RASSF8: variants seen among roughly 807,000 people sequenced by gnomAD.
RASSF8 encodes the protein ras association domain-containing protein 8.
In RASSF8, 22 loss-of-function variants were observed where a neutral mutation model predicts 48.5. The observed-to-expected ratio is 0.45, with a 90% CI of 0.32 to 0.65. The LOEUF is 0.65. RASSF8 is among the 30% of genes least tolerant of loss of function. The pLI is 0.03. For synonymous variants in RASSF8, 127 were observed against 171.5 expected (o/e 0.74, Z 2.03); for missense variants, 418 against 489.2 (o/e 0.85, Z 1.37).
rs542519351 is a variant in RASSF8 at position 26,018,351 on chromosome 12, C to A, written c.-109+23221C>A. On this transcript the variant is annotated intron_variant, in intron 2 of 5. Coordinates refer to ENST00000689635, the MANE Select transcript of RASSF8 (RefSeq NM_001394098.1). Reference sequence around the variant, plus strand: ...GCTCTAGAACCTTTTTTTAATAAATCAATTTTTTAAATTTAAAAATTCTTT... The same window carrying A: ...GCTCTAGAACCTTTTTTTAATAAATAAATTTTTTAAATTTAAAAATTCTTT... 9.9e-5 allele frequency among the ~76,000 whole-genome samples: 15 copies of A among 151,984 alleles called. No individual in the cohort carries two copies. The East Asian group carries it at 2.9e-3, about 29-fold the overall frequency.
At chr12:26,079,161 G>A (rs1179863787) in exon 6 of RASSF8, 8 of 907,364 alleles carry the variant, frequency 8.8e-6, no homozygotes, top group African/African-American at 3.4e-5. Flanking sequence ...CAAAGGAAAC[G>A]ATCACCAAAA....
At chr12:26,046,304 C>T (rs1303281025) in intron 2 of RASSF8, among the ~76,000 whole-genome samples, 1 of 152,176 alleles carries the variant, frequency 6.6e-6, no homozygotes, top group Non-Finnish European at 1.5e-5. Context: ...GCAAACTTTG[C>T]TAATAACTTT....
intron 1 of RASSF8, among the ~76,000 whole-genome samples, chr12:25,965,540 T>G (rs1333778221): frequency 6.6e-6 from 1 of 152,030 alleles, no homozygotes; most frequent in African/African-American, 2.4e-5. Context: ...TTATGTATTT[T>G]TAGTAGAGAC....
At chr12:26,049,722 A>G (rs1356077347) in intron 2 of RASSF8, among the ~76,000 whole-genome samples, 4 of 152,266 alleles carry the variant, frequency 2.6e-5, no homozygotes, top group African/African-American at 9.6e-5. Flanking sequence ...TTGATGCTCA[A>G]TGAAAAACTA....
chr12:26,015,756 A>G (rs1942633741), intron 2 of RASSF8, among the ~76,000 whole-genome samples: 1 of 152,230 alleles, frequency 6.6e-6, no homozygotes, highest in Non-Finnish European at 1.5e-5. Context: ...TGTGCTTTGG[A>G]AAAATAAACG....
intron 1 of RASSF8, among the ~76,000 whole-genome samples, chr12:25,983,703 AAAAC>A (rs1284276698): frequency 1.3e-5 from 2 of 152,208 alleles, no homozygotes; most frequent in Admixed American, 6.5e-5. Flanking sequence ...AAAAAGAAAA[AAAAC>A]AAAAAAGCTG....
intron 3 of RASSF8, among the ~76,000 whole-genome samples, chr12:26,061,607 T>A (rs1943744179): frequency 6.6e-6 from 1 of 152,070 alleles, no homozygotes; most frequent in Admixed American, 6.5e-5. Flanking sequence ...TAAGATTACA[T>A]CAAAATAGTA....
chr12:26,068,891 A>G lies in RASSF8; in HGVS notation c.*73A>G, dbSNP rs758465466. On this transcript the variant is annotated 3_prime_UTR_variant, in exon 6 of 6. Transcript: ENST00000689635. ...TAAACTTCCTTTTTGATTTGTGCCAATGATGAACAGAGGATCTATTCCACA... is the reference window on the plus strand; with the variant it reads ...TAAACTTCCTTTTTGATTTGTGCCAGTGATGAACAGAGGATCTATTCCACA... 4.4e-5 allele frequency: 67 copies of G among 1,513,818 alleles called. No individual in the cohort carries two copies. Among genetic ancestry groups the G allele is most frequent in the South Asian group, 1.1e-4 (9 of 80,660 alleles). The allele number at this position is 1,513,818 out of a possible 1,614,324, so 93.8% of individuals were successfully genotyped here.
intron 2 of RASSF8, among the ~76,000 whole-genome samples, chr12:26,053,553 A>G (rs894592252): frequency 6.6e-6 from 1 of 152,208 alleles, no homozygotes; most frequent in African/African-American, 2.4e-5. Context: ...ACACCAGCCT[A>G]TTAAAGTCTC....
At chr12:26,078,947 A>C (rs951179002) in intron 5 of RASSF8, 6 of 1,271,898 alleles carry the variant, frequency 4.7e-6, no homozygotes, top group Non-Finnish European at 6.2e-6. Flanking sequence ...TAAAGCTAGT[A>C]ATTGAGATCA....
chr12:26,002,306 G>A (rs1348982642), intron 2 of RASSF8, among the ~76,000 whole-genome samples: 3 of 151,900 alleles, frequency 2.0e-5, no homozygotes, highest in Non-Finnish European at 2.9e-5. Flanking sequence ...GGTAGCAGGT[G>A]CCTATAATCC....
In RASSF8 at chr12:26,010,052, A is replaced by G. The variant is rs538876189; in HGVS notation, c.-109+14922A>G. ...GTGAGGGGGTGGCATCCTGATGCCCACAGGGTCCTGCCCCTGCAGTAGTAC... is the reference window on the plus strand; with the variant it reads ...GTGAGGGGGTGGCATCCTGATGCCCGCAGGGTCCTGCCCCTGCAGTAGTAC... On this transcript the variant is annotated intron_variant, in intron 2 of 5. Coordinates refer to ENST00000689635, the MANE Select transcript of RASSF8 (RefSeq NM_001394098.1). Among the ~76,000 whole-genome samples, 2 of 152,326 alleles carry G rather than the reference A, an allele frequency of 1.3e-5. 1 individual carries two copies. Among genetic ancestry groups the G allele is most frequent in the African/African-American group, 4.8e-5 (2 of 41,576 alleles).
At chr12:26,027,254 CA>C (rs1465027102) in intron 2 of RASSF8, among the ~76,000 whole-genome samples, 3 of 152,050 alleles carry the variant, frequency 2.0e-5, no homozygotes, top group Admixed American at 2.0e-4. Flanking sequence ...GAGAATGTCC[CA>C]AAAGTAACTG....
intron 1 of RASSF8, chr12:25,973,833 T>G (rs1199540919): frequency 6.6e-6 from 1 of 152,270 alleles, no homozygotes; most frequent in African/African-American, 2.4e-5. Context: ...GCTGGTGCCA[T>G]AATCATGAAC....
downstream of RASSF8, among the ~76,000 whole-genome samples, chr12:26,074,306 C>T (rs7138208): frequency 7.2e-3 from 1,101 of 151,964 alleles, 10 homozygotes; most frequent in African/African-American, 0.025. Flanking sequence ...TGTTTTTGTC[C>T]GGACACTGGA....
chr12:25,974,388 T>C (rs16929800), intron 1 of RASSF8, among the ~76,000 whole-genome samples: 5,924 of 152,208 alleles, frequency 0.039, 144 homozygotes, highest in African/African-American at 0.065. Flanking sequence ...GAAGTCCACA[T>C]TGAATTGGAA....
rs187734714 is a variant in RASSF8, at chr12:26,055,226, C to T, written c.-108-10C>T. Reference sequence around the variant, plus strand: ...CATTTTATTACAAGTGATTTTTTGCCCTTTTTTAGCTGACTACACAGACTT... The same window carrying T: ...CATTTTATTACAAGTGATTTTTTGCTCTTTTTTAGCTGACTACACAGACTT... On this transcript the variant is annotated splice_polypyrimidine_tract_variant and intron_variant, in intron 2 of 5. Transcript: ENST00000689635. 5.3e-6 allele frequency: 4 copies of T among 758,438 alleles called. No individual in the cohort carries two copies. Among genetic ancestry groups the T allele is most frequent in the Admixed American group, 2.3e-5 (1 of 42,864 alleles). 47.0% of individuals were successfully genotyped at this position (758,438 alleles called of 1,614,324 possible). A position where few individuals can be genotyped will look rare whatever the true frequency, so the allele number is the denominator to read the frequency against.
Position 26,070,629 on chromosome 12 carries a change from ATAATT to A in RASSF8, c.*1814_*1818del, listed in dbSNP as rs1398797841. 7.3e-6 allele frequency: 7 copies of A among 953,712 alleles called. No homozygotes were observed. The African/African-American group carries it at 8.9e-5, about 12-fold the overall frequency. The allele number at this position is 953,712 out of a possible 1,614,324, so 59.1% of individuals were successfully genotyped here. ...TATTTAAAATTAGGATGATTAAAAAATAATTTATAGATTTTGTGACAGTAATGATT... is the reference window on the plus strand; with the variant it reads ...TATTTAAAATTAGGATGATTAAAAAATATAGATTTTGTGACAGTAATGATT... On this transcript the variant is annotated 3_prime_UTR_variant, in exon 6 of 6. Transcript: ENST00000689635.
chr12:26,071,659 C>CT lies in RASSF8; in HGVS notation c.*2847dup, dbSNP rs1944003381. On this transcript the variant is annotated 3_prime_UTR_variant, in exon 6 of 6. Transcript: ENST00000689635. ...TGTTTTTTGTCTTGATGCACAGGGA[C>CT]TTTTTTATAATATGAGACTTCAGTT... 3.0e-5 allele frequency: 30 copies of CT among 984,340 alleles called. No homozygotes were observed. The highest frequency in any genetic ancestry group is 3.5e-5 in the Non-Finnish European group (29 of 829,138). 61.0% of individuals were successfully genotyped at this position (984,340 alleles called of 1,614,324 possible). A position where few individuals can be genotyped will look rare whatever the true frequency, so the allele number is the denominator to read the frequency against.
Sources: gnomAD v4.1 joint callset for allele counts (sites outside exome capture counted in the v4.1 genomes callset) on GRCh38, gnomAD v4.1.1 for gene constraint, MANE v1.5 for transcripts, NCBI Gene and HGNC (gene_info 2026-07-23, HGNC 2026-07-21) for gene names.